The following GPRC5A variants were observed in gnomAD, a reference collection of about 807,000 sequenced individuals.
The protein encoded by GPRC5A is G protein-coupled receptor class C group 5 member A, also known as retinoic acid-induced protein 3.
A neutral mutation model predicts 22.5 loss-of-function variants in GPRC5A; 19 were observed. The ratio of observed to expected loss-of-function variants is 0.85; its 90% CI spans 0.59 to 1.24. The LOEUF (loss-of-function observed/expected upper bound fraction) is 1.24. GPRC5A is among the 50% of genes most tolerant of loss of function. The probability of loss-of-function intolerance (pLI) is 0.00; values close to 1 mark genes in which losing one functional copy is unlikely to be tolerated. For synonymous variants in GPRC5A, 192 were observed against 184.5 expected, an observed-to-expected ratio of 1.04 and a Z score of -0.33; for missense variants, 471 against 451.1, an observed-to-expected ratio of 1.04 and a Z score of -0.40.
At position 12,908,363 on chromosome 12, in the gene GPRC5A, G is replaced by T; in HGVS notation, c.114G>T (p.Gly38=). 1 of 1,614,096 alleles carries T rather than the reference G, an allele frequency of 6.2e-7. No individual in the cohort carries two copies. The highest frequency in any genetic ancestry group is 1.1e-5 in the South Asian group (1 of 91,078). Reference sequence around the variant, plus strand: ...TCCTAGAAACGGTGGCCACAGCCGGGGTTGTGACCTCGGTGGCCTTCATGC... The same window carrying T: ...TCCTAGAAACGGTGGCCACAGCCGGTGTTGTGACCTCGGTGGCCTTCATGC... ...GIVLETVATA[G]VVTSVAFMLT... The change falls in exon 2 of 4, where the codon GGG becomes GGT. Residue 38 remains glycine (G), a synonymous_variant. Coordinates refer to ENST00000014914, the MANE Select transcript of GPRC5A (RefSeq NM_003979.4).
intron 1 of GPRC5A, among the ~76,000 whole-genome samples, chr12:12,898,316 T>C (rs1321543506): frequency 6.6e-6 from 1 of 152,196 alleles, no homozygotes; most frequent in Non-Finnish European, 1.5e-5. Flanking sequence ...GCAGATCACC[T>C]GAGCCTCAGG....
chr12:12,905,379 C>T (rs1478812069), intron 1 of GPRC5A, among the ~76,000 whole-genome samples: 1 of 152,066 alleles, frequency 6.6e-6, no homozygotes, highest in Non-Finnish European at 1.5e-5. Flanking sequence ...GGCCTCTTTC[C>T]TGCTGCAACA....
chr12:12,898,352 A>T (rs1475245493), intron 1 of GPRC5A, among the ~76,000 whole-genome samples: 1 of 152,098 alleles, frequency 6.6e-6, no homozygotes, highest in Non-Finnish European at 1.5e-5. Flanking sequence ...TGGGCAACAT[A>T]GCGAGACCCC....
chr12:12,906,918 A>T (rs1863947225), intron 1 of GPRC5A, among the ~76,000 whole-genome samples: 1 of 151,750 alleles, frequency 6.6e-6, no homozygotes, highest in African/African-American at 2.4e-5. Context: ...TTAGCTGGGC[A>T]TGTTGGCGCG....
intron 1 of GPRC5A, among the ~76,000 whole-genome samples, chr12:12,893,077 C>A (rs1170592000): frequency 1.3e-5 from 2 of 152,152 alleles, no homozygotes; most frequent in Non-Finnish European, 2.9e-5. Context: ...TGAGCAGAAC[C>A]CTTTGGTTTC....
chr12:12,905,554 T>C lies in GPRC5A; in HGVS notation c.-7-2689T>C, dbSNP rs1335641231. ...AAGCAATAAAATAATTTGAATGAAA[T>C]TGTTGACAAACTGGACTATAGTTAT... is the stretch of plus-strand genomic sequence containing the variant. On this transcript the variant is annotated intron_variant, in intron 1 of 3. Transcript: ENST00000014914. Among the ~76,000 whole-genome samples the C allele has an allele frequency of 2.0e-5, 3 of 152,290 alleles. No homozygotes were observed. In the East Asian group the frequency reaches 5.8e-4, roughly 29 times the overall value.
intron 1 of GPRC5A, among the ~76,000 whole-genome samples, chr12:12,894,549 C>T (rs1020856645): frequency 6.6e-6 from 1 of 152,060 alleles, no homozygotes; most frequent in South Asian, 2.1e-4. Flanking sequence ...GCTGGGTCTA[C>T]AGGCACCCAC....
chr12:12,914,596 C>CTG lies in GPRC5A; in HGVS notation c.*2058_*2059insGT, dbSNP rs1555105848. The stretch of plus-strand genomic sequence containing the variant: ...TCTTTCTTTCTTTCTTTCTTTCTTT[C>CTG]TCTCTCTCTCTCTCTCTCTCTTTCT... On this transcript the variant is annotated 3_prime_UTR_variant, in exon 4 of 4. Coordinates refer to ENST00000014914, the MANE Select transcript of GPRC5A (RefSeq NM_003979.4). 17 of 101,060 alleles carry CTG rather than the reference C, an allele frequency of 1.7e-4. No individual in the cohort carries two copies. The highest frequency in any genetic ancestry group is 5.8e-4 in the African/African-American group (14 of 24,078). The allele number at this position is 101,060 out of a possible 1,614,324, so 6.3% of individuals were successfully genotyped here.
Position 12,908,524 on chromosome 12 carries a change from G to C in GPRC5A, c.275G>C (p.Ser92Thr), listed in dbSNP as rs764289950. The C allele has an allele frequency of 1.3e-5, 21 of 1,614,022 alleles. No individual in the cohort carries two copies. The East Asian group carries it at 4.5e-4, about 34-fold the overall frequency. ...GCCTTCATCATCGGACTGGACGGGA[G>C]CACAGGGCCCACACGCTTCTTCCTC... ...TFAFIIGLDG[S>T]TGPTRFFLFG... The change falls in exon 2 of 4, where the codon AGC becomes ACC. Residue 92 changes from serine to threonine, a missense_variant. Coordinates refer to ENST00000014914, the MANE Select transcript of GPRC5A (RefSeq NM_003979.4).
Position 12,912,708 on chromosome 12 carries a change from G to A in GPRC5A, c.*169G>A, listed in dbSNP as rs1171277520. On this transcript the variant is annotated 3_prime_UTR_variant, in exon 4 of 4. Transcript: ENST00000014914. ...AATTCTTCCATGCTGGGGCTGATGT[G>A]GGCTAGTAAGACTCCAGTTCTTAGA... 3 of 570,232 alleles carry A rather than the reference G, an allele frequency of 5.3e-6. No individual in the cohort carries two copies. The highest frequency in any genetic ancestry group is 4.7e-5 in the South Asian group (2 of 42,362). The allele number at this position is 570,232 out of a possible 1,614,324, so 35.3% of individuals were successfully genotyped here. A position where few individuals can be genotyped will look rare whatever the true frequency, so the allele number is the denominator to read the frequency against.
At chr12:12,912,367 G>A in intron 3 of GPRC5A, 80 bp from the exon 4 acceptor site, 1 of 986,276 alleles carries the variant, frequency 1.0e-6, no homozygotes, top group Non-Finnish European at 1.6e-6. Flanking sequence ...GGAAGGAAAT[G>A]AGACTTCTGC....
rs547240715 is a variant in GPRC5A, at chr12:12,908,948, T to G, written c.699T>G (p.Leu233=). Residue 233 remains leucine, a synonymous_variant, in exon 2 of 4, where the codon CTT becomes CTG. Coordinates refer to ENST00000014914, the MANE Select transcript of GPRC5A (RefSeq NM_003979.4). Reference sequence around the variant, plus strand: ...TGGCCTGGATCACCCTGCTCATGCTTCCTGACTTTGACCGCAGGTGGGATG... The same window carrying G: ...TGGCCTGGATCACCCTGCTCATGCTGCCTGACTTTGACCGCAGGTGGGATG... ...IWVAWITLLM[L]PDFDRRWDDT... 6.2e-7 allele frequency: 1 copy of G among 1,614,160 alleles called. No individual in the cohort carries two copies. The highest frequency in any genetic ancestry group is 1.1e-5 in the South Asian group (1 of 91,084).
chr12:12,911,317 T>C (rs1042246135), intron 2 of GPRC5A, among the ~76,000 whole-genome samples: 3 of 152,158 alleles, frequency 2.0e-5, no homozygotes, highest in African/African-American at 7.2e-5. Flanking sequence ...TTTCCCCAAA[T>C]ACACAGAAAA....
At chr12:12,900,891 C>CAAAAAAAAAAAAAAAA (rs756416857) in intron 1 of GPRC5A, among the ~76,000 whole-genome samples, 9 of 21,638 alleles carry the variant, frequency 4.2e-4, no homozygotes, top group Non-Finnish European at 6.6e-4. Context: ...AACTCCGTCT[C>CAAAAAAAAAAAAAAAA]AAAAAAAAAA....
At chr12:12,895,967 TG>T (rs1341137800) in intron 1 of GPRC5A, among the ~76,000 whole-genome samples, 1 of 124,286 alleles carries the variant, frequency 8.0e-6, no homozygotes, top group Non-Finnish European at 1.6e-5. Flanking sequence ...CACTCCAGCC[TG>T]GGCAACATAG....
rs1864081934 is a variant in GPRC5A at position 12,917,881 on chromosome 12, A to G, written c.*5342A>G. The G allele has an allele frequency of 6.6e-6, 1 of 152,200 alleles. No individual in the cohort carries two copies. Among genetic ancestry groups the G allele is most frequent in the Non-Finnish European group, 1.5e-5 (1 of 68,034 alleles). 9.4% of individuals were successfully genotyped at this position (152,200 alleles called of 1,614,324 possible). On this transcript the variant is annotated 3_prime_UTR_variant, in exon 4 of 4. Transcript: ENST00000014914. ...CACATCATTTCAGTTTTTAGCCCTC[A>G]TGACTGTATTTTCTAATCAGAGACA...
intron 1 of GPRC5A, among the ~76,000 whole-genome samples, chr12:12,898,778 C>T (rs1028543725): frequency 2.0e-5 from 3 of 152,200 alleles, no homozygotes; most frequent in African/African-American, 4.8e-5. Flanking sequence ...TTTCCATTCC[C>T]AAAGCCCTGT....
At chr12:12,904,269 G>A (rs1343864466) in intron 1 of GPRC5A, among the ~76,000 whole-genome samples, 2 of 152,194 alleles carry the variant, frequency 1.3e-5, no homozygotes, top group African/African-American at 4.8e-5. Flanking sequence ...AGGCAAGACG[G>A]ATCAGACTTG....
chr12:12,896,351 A>T (rs1300880965), intron 1 of GPRC5A, among the ~76,000 whole-genome samples: 1 of 152,164 alleles, frequency 6.6e-6, no homozygotes, highest in African/African-American at 2.4e-5. Flanking sequence ...TGTTATTCAG[A>T]TGTTATTCAT....
Sources: gnomAD v4.1 joint callset for allele counts (sites outside exome capture counted in the v4.1 genomes callset) on GRCh38, gnomAD v4.1.1 for gene constraint, MANE v1.5 for transcripts, NCBI Gene and HGNC (gene_info 2026-07-23, HGNC 2026-07-21) for gene names.